Variants in ZNF207 observed in about 807,000 individuals in gnomAD.
ZNF207 encodes the protein zinc finger protein 207, also known as BUB3-interacting and GLEBS motif-containing protein ZNF207.
In ZNF207, 24 loss-of-function variants were observed where a neutral mutation model predicts 60.2. That is an observed-to-expected ratio of 0.40 (90% CI 0.29 to 0.56). The LOEUF (loss-of-function observed/expected upper bound fraction) is 0.56, where lower values mean the gene tolerates loss of function less well. ZNF207 is among the 20% of genes least tolerant of loss of function. The probability of loss-of-function intolerance (pLI) is 0.49; values close to 1 mark genes in which losing one functional copy is unlikely to be tolerated. For synonymous variants in ZNF207, 236 were observed against 194.7 expected (o/e 1.21, Z -1.77); for missense variants, 452 against 636.6 (o/e 0.71, Z 3.12).
rs528987250 is a variant in ZNF207, at chr17:32,351,794, A to G, written c.50A>G (p.Asn17Ser). The G allele has an allele frequency of 1.9e-6, 3 of 1,610,456 alleles. No homozygotes were observed. In the South Asian group the frequency reaches 3.3e-5, roughly 18 times the overall value. ...TTAACAGTATTGATCAGGTATTGTA[A>G]TAGAGATTTTGATGATGAGAAGATC... ...KQLKPWCWYC[N>S]RDFDDEKILI... The change falls in exon 2 of 12, where the codon AAT (asparagine) becomes AGT (serine). Residue 17 changes from asparagine (N) to serine (S), a missense_variant. Asn to Ser is a conservative substitution (Grantham distance 46, BLOSUM62 1). Around this residue, in one of 2 missense-constraint regions of ZNF207, gnomAD observed 62 missense variants for 175.3 expected, o/e 0.35. Transcript: ENST00000394670.
chr17:32,357,342 A>ATTTTTTTT (rs1364261997), intron 2 of ZNF207, among the ~76,000 whole-genome samples: 5 of 64,462 alleles, frequency 7.8e-5, no homozygotes, highest in African/African-American at 3.5e-4. Context: ...TATTATTATT[A>ATTTTTTTT]TTATTATTAT....
intron 2 of ZNF207, among the ~76,000 whole-genome samples, chr17:32,357,067 A>G (rs1359426289): frequency 6.6e-6 from 1 of 151,886 alleles, no homozygotes; most frequent in East Asian, 1.9e-4. Context: ...CTGTAGTCCC[A>G]GTTACTTGGG....
At position 32,369,278 on chromosome 17, in the gene ZNF207, C is replaced by T. The variant is rs762603273; in HGVS notation, c.1165-17C>T. On this transcript the variant is annotated splice_polypyrimidine_tract_variant and intron_variant, in intron 10 of 11. Transcript: ENST00000394670. ...CTGCATTCGAGTATTTAGCCCTGCG[C>T]TTATTTTTATTCCCAGGAAGAGAGA... is the stretch of plus-strand genomic sequence containing the variant. The T allele has an allele frequency of 2.2e-5, 35 of 1,612,394 alleles. No individual in the cohort carries two copies. The highest frequency in any genetic ancestry group is 3.0e-5 in the Non-Finnish European group (35 of 1,178,962).
chr17:32,358,522 A>AT lies in ZNF207; in HGVS notation c.189dup (p.Ala64CysfsTer29). Reference sequence around the variant, plus strand: ...TGTTAGGTACATAAAGAAACAATAGATGCCGTACCAAATGCAATACCTGGA... The same window carrying AT: ...TGTTAGGTACATAAAGAAACAATAGATTGCCGTACCAAATGCAATACCTGGA... On this transcript the variant is annotated frameshift_variant, in exon 3 of 12. Transcript: ENST00000394670. LOFTEE classifies it high-confidence loss of function. 6.4e-7 allele frequency: 1 copy of AT among 1,565,228 alleles called. No homozygotes were observed. The highest frequency in any genetic ancestry group is 8.6e-7 in the Non-Finnish European group (1 of 1,163,892).
intron 9 of ZNF207, among the ~76,000 whole-genome samples, chr17:32,367,322 C>T (rs1354338079): frequency 1.5e-5 from 2 of 131,472 alleles, no homozygotes; most frequent in African/African-American, 5.5e-5. Context: ...TATTGTGTCA[C>T]CATTTACACT....
Position 32,360,773 on chromosome 17 carries a change from A to G in ZNF207, c.475+8A>G, listed in dbSNP as rs775642076. 3.1e-6 allele frequency: 5 copies of G among 1,613,432 alleles called. No homozygotes were observed. Among genetic ancestry groups the G allele is most frequent in the South Asian group, 1.1e-5 (1 of 91,046 alleles). On this transcript the variant is annotated splice_region_variant and intron_variant, in intron 4 of 11. Coordinates refer to ENST00000394670, the MANE Select transcript of ZNF207 (RefSeq NM_001098507.2). ...CACCAGGAATGCCTCCAGGTAGCAC[A>G]TAGGATTGCTTAAAATCTAACATTT... is the stretch of plus-strand genomic sequence containing the variant.
In ZNF207 at chr17:32,372,226, G is replaced by A. The variant is rs1384506285; in HGVS notation, c.*2467G>A. On this transcript the variant is annotated 3_prime_UTR_variant, in exon 12 of 12. Coordinates refer to ENST00000394670, the MANE Select transcript of ZNF207 (RefSeq NM_001098507.2). ...GAGGCAGGAGAATGGCGTGAACCCG[G>A]GAGGCATAGCTTGCAGTGAGCGGAG... 1.3e-5 allele frequency: 2 copies of A among 152,174 alleles called. No homozygotes were observed. Among genetic ancestry groups the A allele is most frequent in the Non-Finnish European group, 2.9e-5 (2 of 68,070 alleles). 9.4% of individuals were successfully genotyped at this position (152,174 alleles called of 1,614,324 possible). A position where few individuals can be genotyped will look rare whatever the true frequency, so the allele number is the denominator to read the frequency against.
rs1174432318 is a variant in ZNF207 at position 32,370,030 on chromosome 17, T to G, written c.*271T>G. The G allele has an allele frequency of 7.0e-6, 2 of 284,702 alleles. No homozygotes were observed. The highest frequency in any genetic ancestry group is 1.3e-5 in the Non-Finnish European group (2 of 158,854). 17.6% of individuals were successfully genotyped at this position (284,702 alleles called of 1,614,324 possible). On this transcript the variant is annotated 3_prime_UTR_variant, in exon 12 of 12. Transcript: ENST00000394670. ...TAGAAGTGAAGTATAGTAAATTTGG[T>G]TCGTTAAATTGTGAAGGCGCTGGAA...
In ZNF207 at chr17:32,377,532, CAA is replaced by C. The variant is rs1905718244; in HGVS notation, c.*7776_*7777del. On this transcript the variant is annotated 3_prime_UTR_variant, in exon 12 of 12. Transcript: ENST00000394670. ...TTAAAATTGAGAATCTCTGATGTGA[CAA>C]AATCAATTTTTACAAAAGTTGAATT... is the stretch of plus-strand genomic sequence containing the variant. The C allele has an allele frequency of 6.6e-6, 1 of 151,914 alleles. No homozygotes were observed. Among genetic ancestry groups the C allele is most frequent in the Non-Finnish European group, 1.5e-5 (1 of 67,862 alleles). 9.4% of individuals were successfully genotyped at this position (151,914 alleles called of 1,614,324 possible).
chr17:32,364,355 T>G (rs1905057587), intron 7 of ZNF207, among the ~76,000 whole-genome samples: 1 of 126,324 alleles, frequency 7.9e-6, no homozygotes, highest in Non-Finnish European at 1.8e-5. Flanking sequence ...TTAGTTGTTT[T>G]TTTTTCTTTT....
chr17:32,356,878 A>G (rs1200132516), intron 2 of ZNF207, among the ~76,000 whole-genome samples: 4 of 152,224 alleles, frequency 2.6e-5, no homozygotes, highest in Non-Finnish European at 4.4e-5. Context: ...GTGTGTTGCA[A>G]TAAACATGTT....
At chr17:32,358,927 G>C (rs550583921) in intron 3 of ZNF207, among the ~76,000 whole-genome samples, 10 of 151,930 alleles carry the variant, frequency 6.6e-5, no homozygotes, top group Admixed American at 5.2e-4. Flanking sequence ...GGCCTCCTGA[G>C]TAGCTGGCAC....
chr17:32,357,336 AT>A (rs1419043137), intron 2 of ZNF207, among the ~76,000 whole-genome samples: 1 of 87,906 alleles, frequency 1.1e-5, no homozygotes, highest in African/African-American at 5.0e-5. Context: ...TATTATTATT[AT>A]TATTATTATT....
At chr17:32,351,540 A>C in intron 1 of ZNF207, 1 of 1,520,362 alleles carries the variant, frequency 6.6e-7, no homozygotes, top group Non-Finnish European at 8.8e-7. Context: ...AATTTGACAA[A>C]GTATATTGCT....
At position 32,375,182 on chromosome 17, in the gene ZNF207, T is replaced by C. The variant is rs1306098742; in HGVS notation, c.*5423T>C. ...ATTAAATGAATTGTAAATTTTGACT[T>C]GTTAAATAACATGTTTTTCACTATA... On this transcript the variant is annotated 3_prime_UTR_variant, in exon 12 of 12. Transcript: ENST00000394670. 6.6e-6 allele frequency: 1 copy of C among 152,238 alleles called. No homozygotes were observed. Among genetic ancestry groups the C allele is most frequent in the Non-Finnish European group, 1.5e-5 (1 of 68,042 alleles). The allele number at this position is 152,238 out of a possible 1,614,324, so 9.4% of individuals were successfully genotyped here. A position where few individuals can be genotyped will look rare whatever the true frequency, so the allele number is the denominator to read the frequency against.
chr17:32,361,189 C>T, intron 5 of ZNF207: 1 of 593,698 alleles, frequency 1.7e-6, no homozygotes, highest in Non-Finnish European at 2.9e-6. Context: ...AAGCAACCAT[C>T]TACTTCAATT....
chr17:32,356,213 G>A (rs1355278665), intron 2 of ZNF207, among the ~76,000 whole-genome samples: 3 of 152,138 alleles, frequency 2.0e-5, no homozygotes. Flanking sequence ...CTATGACTTT[G>A]CTTGGCAGGG....
rs760799128 is a variant in ZNF207, at chr17:32,379,472, A to C, written c.*9713A>C. The stretch of plus-strand genomic sequence containing the variant: ...TATTTCATTTTGGTGAGATGGAATA[A>C]ATGTTTAAAATTAGTATTTAAGAAA... On this transcript the variant is annotated 3_prime_UTR_variant, in exon 12 of 12. Coordinates refer to ENST00000394670, the MANE Select transcript of ZNF207 (RefSeq NM_001098507.2). The C allele has an allele frequency of 7.9e-5, 12 of 152,156 alleles. No individual in the cohort carries two copies. The highest frequency in any genetic ancestry group is 1.6e-4 in the Non-Finnish European group (11 of 67,988). The allele number at this position is 152,156 out of a possible 1,614,324, so 9.4% of individuals were successfully genotyped here.
chr17:32,369,229 C>G (rs1905349943), intron 10 of ZNF207, 66 bp from the exon 11 acceptor site: 1 of 1,547,888 alleles, frequency 6.5e-7, no homozygotes, highest in Non-Finnish European at 8.8e-7. Context: ...ATTTTAGATG[C>G]ATGCCTTTAT....
Sources: gnomAD v4.1 joint callset for allele counts (sites outside exome capture counted in the v4.1 genomes callset) on GRCh38, gnomAD v4.1.1 for gene constraint, gnomAD v4.1.1 regional missense constraint, MANE v1.5 for transcripts, NCBI Gene and HGNC (gene_info 2026-07-23, HGNC 2026-07-21) for gene names.